PRKD3: variants seen among roughly 807,000 people sequenced by gnomAD.
The protein encoded by PRKD3 is serine/threonine-protein kinase D3.
PRKD3 carries 47 observed loss-of-function variants against 99.2 expected under a neutral mutation model. The ratio of observed to expected loss-of-function variants is 0.47; its 90% CI spans 0.38 to 0.60. The LOEUF (loss-of-function observed/expected upper bound fraction) is 0.60. PRKD3 is among the 20% of genes least tolerant of loss of function. The pLI, the probability that PRKD3 is intolerant of heterozygous loss-of-function variation, is 0.00. For missense variants in PRKD3, 1,019 were observed against 1,088.4 expected (o/e 0.94, Z 0.90); for synonymous variants, 392 against 355.4 (o/e 1.10, Z -1.16).
At chr2:37,297,699 C>A (rs1213033615) in intron 2 of PRKD3, among the ~76,000 whole-genome samples, 1 of 152,062 alleles carries the variant, frequency 6.6e-6, no homozygotes, top group East Asian at 1.9e-4. Flanking sequence ...TTGCAGGAGG[C>A]CTTTCTACTG....
At chr2:37,287,284 A>AAT (rs1168375162) in intron 5 of PRKD3, among the ~76,000 whole-genome samples, 3 of 148,390 alleles carry the variant, frequency 2.0e-5, no homozygotes, top group African/African-American at 7.6e-5. Flanking sequence ...GAAAAAGAAA[A>AAT]AGAAAAATAC....
At chr2:37,297,288 T>A (rs941500770) in intron 2 of PRKD3, among the ~76,000 whole-genome samples, 1 of 152,136 alleles carries the variant, frequency 6.6e-6, no homozygotes, top group South Asian at 2.1e-4. Context: ...AATTTACTTT[T>A]AAAATATTAT....
Position 37,282,528 on chromosome 2 carries a change from A to G in PRKD3, c.988+14T>C. On this transcript the variant is annotated intron_variant, in intron 7 of 18. Transcript: ENST00000234179. The stretch of plus-strand genomic sequence containing the variant: ...TTTCTGATCTTTCACAAAAATTAAG[A>G]AAAATAATTTTACCTCCATTGAAAG... The G allele has an allele frequency of 6.6e-7, 1 of 1,522,438 alleles. No individual in the cohort carries two copies. The highest frequency in any genetic ancestry group is 9.1e-7 in the Non-Finnish European group (1 of 1,099,026). The allele number at this position is 1,522,438 out of a possible 1,614,324, so 94.3% of individuals were successfully genotyped here. A position where few individuals can be genotyped will look rare whatever the true frequency, so the allele number is the denominator to read the frequency against.
At chr2:37,305,829 A>G (rs1671139854) in intron 2 of PRKD3, among the ~76,000 whole-genome samples, 1 of 152,198 alleles carries the variant, frequency 6.6e-6, no homozygotes, top group Non-Finnish European at 1.5e-5. Context: ...ATGAGTATTA[A>G]CTACTTTTGA....
intron 16 of PRKD3, among the ~76,000 whole-genome samples, chr2:37,259,215 T>G (rs1668222098): frequency 6.6e-6 from 1 of 152,222 alleles, no homozygotes; most frequent in Admixed American, 6.5e-5. Flanking sequence ...GGTGGCTGCC[T>G]GCCTCAACCA....
chr2:37,303,905 T>A (rs531668746), intron 2 of PRKD3, among the ~76,000 whole-genome samples: 3 of 152,272 alleles, frequency 2.0e-5, no homozygotes, highest in African/African-American at 7.2e-5. Context: ...ACAACCCACA[T>A]AACCACCACT....
Position 37,309,805 on chromosome 2 carries a change from G to A in PRKD3, c.288+6432C>T, listed in dbSNP as rs545778744. ...GGAAGTTGCAGTGAGCCGAGATCGC[G>A]CCACTGCATTCCAGCCTGGCGACAG... On this transcript the variant is annotated intron_variant, in intron 2 of 18. Transcript: ENST00000234179. Among the ~76,000 whole-genome samples, 63 of 140,154 alleles carry A rather than the reference G, an allele frequency of 4.5e-4. 1 individual carries two copies. The highest frequency in any genetic ancestry group is 3.7e-3 in the Admixed American group (48 of 12,990). The allele number at this position is 140,154 out of a possible 152,430, so 91.9% of individuals were successfully genotyped here. A position where few individuals can be genotyped will look rare whatever the true frequency, so the allele number is the denominator to read the frequency against.
chr2:37,279,695 C>T, intron 8 of PRKD3, 51 bp downstream of exon 8: 1 of 1,475,556 alleles, frequency 6.8e-7, no homozygotes, highest in Non-Finnish European at 9.1e-7. Context: ...TTAATGAGAT[C>T]CTGAACTGAC....
At chr2:37,278,060 A>T in intron 8 of PRKD3, 71 bp from the exon 9 acceptor site, 1 of 1,333,312 alleles carries the variant, frequency 7.5e-7, no homozygotes, top group Non-Finnish European at 1.0e-6. Flanking sequence ...TAGGAACATG[A>T]AGCCTTTTTA....
chr2:37,282,136 C>T (rs574677896), intron 7 of PRKD3, among the ~76,000 whole-genome samples: 1 of 152,234 alleles, frequency 6.6e-6, no homozygotes, highest in South Asian at 2.1e-4. Flanking sequence ...TCTCTTAGTA[C>T]CTACCTCAAA....
At chr2:37,306,599 GAGAGTTCA>G (rs1485376791) in intron 2 of PRKD3, among the ~76,000 whole-genome samples, 1 of 152,106 alleles carries the variant, frequency 6.6e-6, no homozygotes, top group African/African-American at 2.4e-5. Context: ...GCTTGAGCCC[GAGAGTTCA>G]AGACCAGCCT....
chr2:37,269,534 G>A, intron 13 of PRKD3, 81 bp downstream of exon 13: 2 of 1,268,686 alleles, frequency 1.6e-6, no homozygotes, highest in South Asian at 2.4e-5. Flanking sequence ...ACTATGAGAT[G>A]ACAAAACAGC....
At position 37,316,358 on chromosome 2, in the gene PRKD3, G is replaced by A. The variant is rs767589489; in HGVS notation, c.167C>T (p.Ser56Leu). 1.2e-6 allele frequency: 2 copies of A among 1,614,196 alleles called. No individual in the cohort carries two copies. Among genetic ancestry groups the A allele is most frequent in the Non-Finnish European group, 1.7e-6 (2 of 1,180,022 alleles). Residue 56 changes from serine to leucine, a missense_variant, in exon 2 of 19, where the codon TCA becomes TTA. Around this residue, in one of 3 missense-constraint regions of PRKD3, gnomAD observed 710 missense variants for 692.7 expected, o/e 1.02. Transcript: ENST00000234179. ...CAGTAGAAATGAAACTGTATGCACT[G>A]AGCCTCTGGAGTTGGTGAGTGATGG... is the stretch of plus-strand genomic sequence containing the variant. ...SAPSLTNSRG[S>L]VHTVSFLLQI...
At chr2:37,255,481 C>T (rs1053973084) in intron 17 of PRKD3, among the ~76,000 whole-genome samples, 7 of 152,076 alleles carry the variant, frequency 4.6e-5, no homozygotes, top group South Asian at 2.1e-4. Flanking sequence ...TTATTCTTGA[C>T]GGGTACAGAA....
chr2:37,313,291 C>T (rs1671521155), intron 2 of PRKD3, among the ~76,000 whole-genome samples: 1 of 150,026 alleles, frequency 6.7e-6, no homozygotes. Flanking sequence ...GGGCCAGATT[C>T]GGCTTATGGA....
At chr2:37,268,155 ATTTG>A (rs1206277692) in intron 13 of PRKD3, 4 of 357,420 alleles carry the variant, frequency 1.1e-5, no homozygotes, top group Non-Finnish European at 1.7e-5. Flanking sequence ...TATTTTTGGT[ATTTG>A]TTCTTCAAAT....
At chr2:37,272,924 A>G (rs2372990) in intron 11 of PRKD3, among the ~76,000 whole-genome samples, 100,914 of 149,540 alleles carry the variant, frequency 0.67, 34,586 homozygotes, top group East Asian at 0.98. Flanking sequence ...AGGTTGCAGC[A>G]AGTTATGATT....
intron 2 of PRKD3, among the ~76,000 whole-genome samples, chr2:37,297,292 A>C (rs1489478902): frequency 6.6e-6 from 1 of 152,198 alleles, no homozygotes; most frequent in Non-Finnish European, 1.5e-5. Context: ...TACTTTTAAA[A>C]TATTATTCAA....
At chr2:37,277,754 G>T in intron 9 of PRKD3, 112 bp downstream of exon 9, 3 of 1,109,422 alleles carry the variant, frequency 2.7e-6, no homozygotes, top group East Asian at 2.7e-5. Context: ...AATTGCTGTG[G>T]TGTATATAAT....
Sources: allele counts gnomAD v4.1 joint callset (sites outside exome capture counted in the v4.1 genomes callset), GRCh38; gene constraint gnomAD v4.1.1; regional missense constraint gnomAD v4.1.1; transcripts MANE v1.5; gene names NCBI Gene and HGNC (gene_info 2026-07-23, HGNC 2026-07-21).